DNAH14: variants seen among roughly 807,000 people sequenced by gnomAD.
DNAH14 encodes the protein axonemal beta dynein heavy chain 14.
In DNAH14, 478 loss-of-function variants were observed where a neutral mutation model predicts 520.9. That is an observed-to-expected ratio of 0.92 (90% CI 0.85 to 0.99). The LOEUF (loss-of-function observed/expected upper bound fraction) is 0.99. Ranked by LOEUF, DNAH14 falls within the 50% of genes least tolerant of loss-of-function variation. DNAH14 has a pLI of 0.00. For missense variants in DNAH14, 4,831 were observed against 5,234.5 expected, an observed-to-expected ratio of 0.92 and a Z score of 2.38; for synonymous variants, 1,581 against 1,757.2, an observed-to-expected ratio of 0.90 and a Z score of 2.51.
intron 1 of DNAH14, among the ~76,000 whole-genome samples, chr1:224,951,645 T>C: frequency 1.6e-5 from 1 of 64,418 alleles, no homozygotes; most frequent in East Asian, 6.2e-4. Context: ...GATTTCTGGA[T>C]TTTTTTTTTT....
chr1:225,374,872 T>A lies in DNAH14; in HGVS notation c.12503T>A (p.Phe4168Tyr). Residue 4168 changes from phenylalanine (F) to tyrosine (Y), a missense_variant, in exon 78 of 86, where the codon TTC becomes TAC. Phe to Tyr is a conservative substitution (Grantham distance 22). Coordinates refer to ENST00000682510, the MANE Select transcript of DNAH14 (RefSeq NM_001367479.1). Reference protein sequence around the residue: ...NPEVLKDDFSFSSDGICLPVP... With the variant: ...NPEVLKDDFSYSSDGICLPVP... The stretch of plus-strand genomic sequence containing the variant: ...GAAGTGCTGAAAGATGACTTCAGTT[T>A]CTCCAGTGATGGGGTAGGAAAAGAA... 6.5e-7 allele frequency: 1 copy of A among 1,549,446 alleles called. No homozygotes were observed. The highest frequency in any genetic ancestry group is 8.7e-7 in the Non-Finnish European group (1 of 1,145,414).
At chr1:225,370,302 C>CA (rs367955720) in intron 77 of DNAH14, among the ~76,000 whole-genome samples, 29 of 148,348 alleles carry the variant, frequency 2.0e-4, no homozygotes, top group Middle Eastern at 3.6e-3. Context: ...AACAAACAAA[C>CA]AAAAAAAACA....
chr1:225,292,147 T>C (rs2093906926), intron 55 of DNAH14, among the ~76,000 whole-genome samples: 1 of 152,310 alleles, frequency 6.6e-6, no homozygotes, highest in African/African-American at 2.4e-5. Context: ...GCCTGTGCTT[T>C]TGAGGTCTTA....
At chr1:225,276,727 A>G (rs1284727842) in intron 53 of DNAH14, among the ~76,000 whole-genome samples, 2 of 150,858 alleles carry the variant, frequency 1.3e-5, no homozygotes, top group African/African-American at 4.9e-5. Flanking sequence ...ATGAAACCCT[A>G]TCTCCACACA....
Position 225,051,777 on chromosome 1 carries a change from GAAC to G in DNAH14, c.2409_2411del (p.Asn803del), listed in dbSNP as rs2068558332. The G allele has an allele frequency of 2.7e-6, 4 of 1,491,368 alleles. No individual in the cohort carries two copies. The highest frequency in any genetic ancestry group is 3.6e-6 in the Non-Finnish European group (4 of 1,121,188). The allele number at this position is 1,491,368 out of a possible 1,614,324, so 92.4% of individuals were successfully genotyped here. On this transcript the variant is annotated inframe_deletion, in exon 17 of 86. Coordinates refer to ENST00000682510, the MANE Select transcript of DNAH14 (RefSeq NM_001367479.1). ...TCATACAATCTGTAATTGAAAAAAA[GAAC>G]AAAAATTTATTGGAAGTAAGTATTT... is the stretch of plus-strand genomic sequence containing the variant.
At chr1:225,241,867 G>A (rs181921001) in intron 43 of DNAH14, among the ~76,000 whole-genome samples, 43 of 152,268 alleles carry the variant, frequency 2.8e-4, no homozygotes, top group East Asian at 1.5e-3. Context: ...AGACATTACT[G>A]TACATTACTG....
At chr1:225,395,666 G>A (rs1022714984) in intron 84 of DNAH14, 6 of 151,550 alleles carry the variant, frequency 4.0e-5, no homozygotes, top group Non-Finnish European at 7.4e-5. Context: ...AGTTTTTATT[G>A]TGCATATTAT....
intron 28 of DNAH14, among the ~76,000 whole-genome samples, chr1:225,142,582 G>T (rs1453126761): frequency 6.6e-6 from 1 of 152,112 alleles, no homozygotes; most frequent in African/African-American, 2.4e-5. Flanking sequence ...CCCAAGGTTT[G>T]GTAAGTGGTG....
At chr1:225,040,359 G>A (rs2067367810) in intron 12 of DNAH14, among the ~76,000 whole-genome samples, 2 of 152,178 alleles carry the variant, frequency 1.3e-5, no homozygotes, top group Admixed American at 6.5e-5. Context: ...GAAAATATAT[G>A]CATCGAAATA....
chr1:224,986,628 C>G (rs191901270), intron 8 of DNAH14, among the ~76,000 whole-genome samples: 1 of 152,260 alleles, frequency 6.6e-6, no homozygotes, highest in East Asian at 1.9e-4. Flanking sequence ...ATCCAACATC[C>G]TTTCATGACA....
Position 225,089,588 on chromosome 1 carries a change from AT to A in DNAH14, c.3573+3800del, listed in dbSNP as rs377628120. ...ATATAGATGCAAACATTCTAAAAAA[AT>A]ATTTCCAAATCAAGTCCGTCAATAT... On this transcript the variant is annotated intron_variant, in intron 21 of 85. Coordinates refer to ENST00000682510, the MANE Select transcript of DNAH14 (RefSeq NM_001367479.1). Among the ~76,000 whole-genome samples the A allele has an allele frequency of 1.4e-3, 220 of 152,260 alleles. No homozygotes were observed. In the East Asian group the frequency reaches 0.015, roughly 10 times the overall value.
intron 47 of DNAH14, among the ~76,000 whole-genome samples, 188 bp from the exon 48 acceptor site, chr1:225,264,994 T>A (rs531813813): frequency 1.2e-4 from 18 of 152,334 alleles, no homozygotes; most frequent in African/African-American, 4.3e-4. Context: ...TTGCACTTGG[T>A]TGCAGAGATG....
rs1047082721 is a variant in DNAH14 at position 225,324,645 on chromosome 1, T to C, written c.9628-92T>C. 4 of 1,192,368 alleles carry C rather than the reference T, an allele frequency of 3.4e-6. No individual in the cohort carries two copies. The African/African-American group carries it at 4.6e-5, about 14-fold the overall frequency. 73.9% of individuals were successfully genotyped at this position (1,192,368 alleles called of 1,614,324 possible). Reference sequence around the variant, plus strand: ...TTCTAGGAAAGTTTAATTGTAACAATTGACTCTGTAAATGTCTTTCAAATA... The same window carrying C: ...TTCTAGGAAAGTTTAATTGTAACAACTGACTCTGTAAATGTCTTTCAAATA... On this transcript the variant is annotated intron_variant, in intron 63 of 85. Transcript: ENST00000682510.
Position 225,051,681 on chromosome 1 carries a change from C to T in DNAH14, c.2310C>T (p.Asn770=), listed in dbSNP as rs991703706. 1.3e-5 allele frequency: 20 copies of T among 1,550,746 alleles called. No individual in the cohort carries two copies. Among genetic ancestry groups the T allele is most frequent in the South Asian group, 9.5e-5 (8 of 84,002 alleles). The change falls in exon 17 of 86, where the codon AAC becomes AAT. Residue 770 remains asparagine (N), a synonymous_variant. Coordinates refer to ENST00000682510, the MANE Select transcript of DNAH14 (RefSeq NM_001367479.1). ...MAIEKRIGIF[N]VVSLDYQSEC... ...TTGAGAAGCGTATTGGTATTTTCAA[C>T]GTTGTAAGTCTTGATTATCAATCAG...
At chr1:225,030,062 A>G (rs2066418510) in intron 11 of DNAH14, among the ~76,000 whole-genome samples, 1 of 152,032 alleles carries the variant, frequency 6.6e-6, no homozygotes, top group Non-Finnish European at 1.5e-5. Context: ...TCCAACCAAC[A>G]TAAATTAGAA....
At chr1:225,035,640 T>C (rs1215127703) in intron 11 of DNAH14, among the ~76,000 whole-genome samples, 1 of 152,108 alleles carries the variant, frequency 6.6e-6, no homozygotes, top group Admixed American at 6.6e-5. Flanking sequence ...ATTCCTTCTG[T>C]GATTGATTTG....
Position 225,264,275 on chromosome 1 carries a change from T to C in DNAH14, c.7222+14T>C. The C allele has an allele frequency of 2.6e-6, 4 of 1,537,836 alleles. No homozygotes were observed. Among genetic ancestry groups the C allele is most frequent in the Non-Finnish European group, 3.5e-6 (4 of 1,136,402 alleles). On this transcript the variant is annotated intron_variant, in intron 47 of 85. Coordinates refer to ENST00000682510, the MANE Select transcript of DNAH14 (RefSeq NM_001367479.1). Reference sequence around the variant, plus strand: ...CTGGAAGTTCAGGTATATATTATAGTACAGTTTCAAAGCTATGCTATGTTT... The same window carrying C: ...CTGGAAGTTCAGGTATATATTATAGCACAGTTTCAAAGCTATGCTATGTTT...
chr1:225,152,810 T>G lies in DNAH14; in HGVS notation c.5123T>G (p.Phe1708Cys). Residue 1708 changes from phenylalanine to cysteine, a missense_variant, in exon 33 of 86, where the codon TTC becomes TGC. Transcript: ENST00000682510. Reference sequence around the variant, plus strand: ...GAAATAATATTGTTTTCATTTGGTTTCAAATCTGCAAATTCACTCTCTGGA... The same window carrying G: ...GAAATAATATTGTTTTCATTTGGTTGCAAATCTGCAAATTCACTCTCTGGA... Reference protein sequence around the residue: ...IAEIILFSFGFKSANSLSGKL... With the variant: ...IAEIILFSFGCKSANSLSGKL... 6.4e-7 allele frequency: 1 copy of G among 1,551,484 alleles called. No individual in the cohort carries two copies. The highest frequency in any genetic ancestry group is 8.7e-7 in the Non-Finnish European group (1 of 1,146,850).
intron 27 of DNAH14, among the ~76,000 whole-genome samples, chr1:225,127,454 A>G (rs2148922169): frequency 6.6e-6 from 1 of 152,170 alleles, no homozygotes; most frequent in Non-Finnish European, 1.5e-5. Flanking sequence ...TCCCTTTACC[A>G]TTATGTAATG....
Sources: gnomAD v4.1 joint callset for allele counts (sites outside exome capture counted in the v4.1 genomes callset) on GRCh38, gnomAD v4.1.1 for gene constraint, MANE v1.5 for transcripts, NCBI Gene and HGNC (gene_info 2026-07-23, HGNC 2026-07-21) for gene names.